RBFOX1: variants seen among roughly 807,000 people sequenced by gnomAD.
RBFOX1 encodes RNA binding protein fox-1 homolog 1.
A neutral mutation model predicts 57.7 loss-of-function variants in RBFOX1; 8 were observed. That is an observed-to-expected ratio of 0.14 (90% CI 0.08 to 0.25). The LOEUF (loss-of-function observed/expected upper bound fraction) is 0.25, where lower values mean the gene tolerates loss of function less well. Ranked by LOEUF, RBFOX1 falls within the 10% of genes least tolerant of loss-of-function variation. The pLI is 1.00. For missense variants in RBFOX1, 611 were observed against 548.5 expected, an observed-to-expected ratio of 1.11 and a Z score of -1.14; for synonymous variants, 326 against 222.4, an observed-to-expected ratio of 1.47 and a Z score of -4.15.
rs535402222 is a variant in RBFOX1, at chr16:7,217,916, G to A, written c.27+165818G>A. On this transcript the variant is annotated intron_variant, in intron 4 of 15. Transcript: ENST00000550418. ...TGCGTATGTGTGTGCATGTGTGTGT[G>A]TGAGTGTAGGTGTGTGCGTGCATGT... Among the ~76,000 whole-genome samples, 751 of 151,812 alleles carry A rather than the reference G, an allele frequency of 4.9e-3. 5 individuals carry two copies. The highest frequency in any genetic ancestry group is 0.017 in the African/African-American group (685 of 41,424).
chr16:7,658,459 C>G (rs1453808373), intron 12 of RBFOX1, among the ~76,000 whole-genome samples: 1 of 152,064 alleles, frequency 6.6e-6, no homozygotes, highest in Admixed American at 6.6e-5. Flanking sequence ...GACTGAGAAG[C>G]CACAATGCCC....
intron 2 of RBFOX1, among the ~76,000 whole-genome samples, chr16:6,349,153 A>G (rs576789090): frequency 1.6e-4 from 25 of 152,258 alleles, no homozygotes; most frequent in African/African-American, 6.0e-4. Context: ...TGAACCAAAC[A>G]CATACTTATT....
At chr16:6,808,976 C>G (rs1453994539) in intron 3 of RBFOX1, among the ~76,000 whole-genome samples, 3 of 152,168 alleles carry the variant, frequency 2.0e-5, no homozygotes, top group Admixed American at 1.3e-4. Context: ...TGTGGATGAA[C>G]TGTAACCTAG....
intron 2 of RBFOX1, among the ~76,000 whole-genome samples, chr16:6,514,638 T>C (rs974842539): frequency 1.3e-5 from 2 of 152,160 alleles, no homozygotes; most frequent in African/African-American, 4.8e-5. Context: ...GCCCTTTGTC[T>C]GTGTCTCATC....
In RBFOX1 at chr16:6,275,260, G is replaced by A. The variant is rs529588336; in HGVS notation, c.-126-41735G>A. Among the ~76,000 whole-genome samples the A allele has an allele frequency of 1.1e-4, 16 of 151,880 alleles. No individual in the cohort carries two copies. The South Asian group carries it at 2.9e-3, about 28-fold the overall frequency. Reference sequence around the variant, plus strand: ...CAGGAGGTGGAGCTTGCAGTGAGCCGAGATCATGCCATTGCACTTCAGCCT... The same window carrying A: ...CAGGAGGTGGAGCTTGCAGTGAGCCAAGATCATGCCATTGCACTTCAGCCT... On this transcript the variant is annotated intron_variant, in intron 1 of 15. Transcript: ENST00000550418.
At chr16:5,948,631 C>T (rs1597913908) in intron 4 of RBFOX1, among the ~76,000 whole-genome samples, 1 of 152,156 alleles carries the variant, frequency 6.6e-6, no homozygotes, top group Non-Finnish European at 1.5e-5. Flanking sequence ...TTTAATGACA[C>T]AGCTGAAATT....
rs531864945 is a variant in RBFOX1, at chr16:5,791,887, T to C, written c.319-75416T>C. Among the ~76,000 whole-genome samples the C allele has an allele frequency of 6.4e-4, 98 of 152,340 alleles. 1 individual carries two copies. Among genetic ancestry groups the C allele is most frequent in the African/African-American group, 2.2e-3 (90 of 41,568 alleles). ...ATGGCAATTGTCACTGTCATCCTTATGGAGGTTTTGGGAAGAACCAGCAAG... is the reference window on the plus strand; with the variant it reads ...ATGGCAATTGTCACTGTCATCCTTACGGAGGTTTTGGGAAGAACCAGCAAG... On this transcript the variant is annotated intron_variant, in intron 3 of 19. Transcript: ENST00000641259.
chr16:7,181,715 A>T (rs993128341), intron 4 of RBFOX1, among the ~76,000 whole-genome samples: 1 of 152,034 alleles, frequency 6.6e-6, no homozygotes, highest in Non-Finnish European at 1.5e-5. Context: ...GGTATGCACG[A>T]TGCCTGGCTA....
At chr16:5,908,332 A>G (rs559326913) in intron 4 of RBFOX1, among the ~76,000 whole-genome samples, 170 of 137,498 alleles carry the variant, frequency 1.2e-3, no homozygotes, top group Middle Eastern at 4.1e-3. Context: ...ACATATATAT[A>G]TGTGTGTGTG....
intron 3 of RBFOX1, among the ~76,000 whole-genome samples, chr16:5,617,961 G>A (rs2048087208): frequency 6.6e-6 from 1 of 152,166 alleles, no homozygotes; most frequent in African/African-American, 2.4e-5. Context: ...TCAAGCTCTG[G>A]CATGCAGAAG....
intron 1 of RBFOX1, among the ~76,000 whole-genome samples, chr16:5,241,112 A>C (rs538890488): frequency 6.6e-6 from 1 of 152,180 alleles, no homozygotes; most frequent in Non-Finnish European, 1.5e-5. Context: ...TTCTGAACCC[A>C]TTTGGGCAGC....
At chr16:6,503,603 G>T (rs1285758661) in intron 2 of RBFOX1, among the ~76,000 whole-genome samples, 3 of 152,124 alleles carry the variant, frequency 2.0e-5, no homozygotes, top group Non-Finnish European at 4.4e-5. Flanking sequence ...GGCCTTTTCG[G>T]CAGGCTTGCT....
In RBFOX1 at chr16:6,923,816, A is replaced by C. The variant is rs79910291; in HGVS notation, c.-15-128241A>C. ...AAGGATTTGCCACCTTCTAGCCATGAAACTTCAGGCAAGTGACTGAACCTC... is the reference window on the plus strand; with the variant it reads ...AAGGATTTGCCACCTTCTAGCCATGCAACTTCAGGCAAGTGACTGAACCTC... On this transcript the variant is annotated intron_variant, in intron 3 of 15. Transcript: ENST00000550418. 2.6e-3 allele frequency among the ~76,000 whole-genome samples: 397 copies of C among 152,260 alleles called. 2 individuals are homozygous for C. Among genetic ancestry groups the C allele is most frequent in the African/African-American group, 8.9e-3 (369 of 41,554 alleles).
At chr16:6,769,662 C>G (rs2077975710) in intron 3 of RBFOX1, among the ~76,000 whole-genome samples, 1 of 152,178 alleles carries the variant, frequency 6.6e-6, no homozygotes, top group Non-Finnish European at 1.5e-5. Context: ...ACGAGTGTAT[C>G]TTCCATATCC....
At chr16:6,554,321 C>T (rs543503241) in intron 2 of RBFOX1, among the ~76,000 whole-genome samples, 136 of 152,188 alleles carry the variant, frequency 8.9e-4, no homozygotes, top group African/African-American at 2.8e-3. Flanking sequence ...CTCCCATCCC[C>T]GTGAAGTGTT....
intron 3 of RBFOX1, among the ~76,000 whole-genome samples, chr16:6,744,930 C>A (rs2073214243): frequency 6.6e-6 from 1 of 151,934 alleles, no homozygotes; most frequent in African/African-American, 2.4e-5. Context: ...AAAATCAATA[C>A]ACTTTTAGCC....
chr16:5,461,576 G>A (rs2068789256), intron 1 of RBFOX1, among the ~76,000 whole-genome samples: 1 of 152,176 alleles, frequency 6.6e-6, no homozygotes, highest in Admixed American at 6.5e-5. Flanking sequence ...GAGGAAAAAG[G>A]GGCAGAGTCT....
chr16:7,490,342 T>C (rs947324992), intron 4 of RBFOX1, among the ~76,000 whole-genome samples: 4 of 152,204 alleles, frequency 2.6e-5, no homozygotes, highest in African/African-American at 7.2e-5. Context: ...CTCAGCTCTA[T>C]CAGGGCTCTA....
At chr16:7,173,492 CT>C (rs147286538) in intron 4 of RBFOX1, among the ~76,000 whole-genome samples, 1,922 of 150,316 alleles carry the variant, frequency 0.013, 44 homozygotes, top group African/African-American at 0.044. Context: ...CCATTTGACA[CT>C]TTTTTTTTTC....
Sources: gnomAD v4.1 joint callset for allele counts (sites outside exome capture counted in the v4.1 genomes callset) on GRCh38, gnomAD v4.1.1 for gene constraint, MANE v1.5 for transcripts, NCBI Gene and HGNC (gene_info 2026-07-23, HGNC 2026-07-21) for gene names.